Variants in NDST3 observed in about 807,000 individuals in gnomAD.
The protein encoded by NDST3 is bifunctional heparan sulfate N-deacetylase/N-sulfotransferase 3.
NDST3 carries 58 observed loss-of-function variants against 96.1 expected under a neutral mutation model. The observed-to-expected ratio is 0.60, with a 90% CI of 0.49 to 0.75. The LOEUF (loss-of-function observed/expected upper bound fraction) is 0.75, where lower values mean the gene tolerates loss of function less well. Ranked by LOEUF, NDST3 falls within the 30% of genes least tolerant of loss-of-function variation. NDST3 has a pLI of 0.00. For missense variants in NDST3, 788 were observed against 1,034.2 expected (o/e 0.76, Z 3.27); for synonymous variants, 333 against 359.7 (o/e 0.93, Z 0.84).
chr4:118,044,013 A>G (rs1170503595), intron 1 of NDST3, among the ~76,000 whole-genome samples: 1 of 152,204 alleles, frequency 6.6e-6, no homozygotes, highest in Non-Finnish European at 1.5e-5. Flanking sequence ...AATAACTTTG[A>G]TAGATTCCTA....
chr4:118,044,742 G>C (rs1305229620), intron 1 of NDST3, among the ~76,000 whole-genome samples: 1 of 152,134 alleles, frequency 6.6e-6, no homozygotes, highest in Non-Finnish European at 1.5e-5. Context: ...CTAAGAGCAT[G>C]GTGCTGGCAT....
At chr4:118,115,183 A>G (rs1212342760) in intron 4 of NDST3, among the ~76,000 whole-genome samples, 1 of 152,208 alleles carries the variant, frequency 6.6e-6, no homozygotes, top group Non-Finnish European at 1.5e-5. Context: ...ACCTCACAAA[A>G]TACAAGATTT....
chr4:118,115,868 G>A (rs1352605301), intron 4 of NDST3, among the ~76,000 whole-genome samples: 3 of 151,956 alleles, frequency 2.0e-5, no homozygotes, highest in Non-Finnish European at 2.9e-5. Flanking sequence ...AATACTTTAT[G>A]GTGGCATCAG....
chr4:118,046,970 C>A (rs1386197601), intron 1 of NDST3, among the ~76,000 whole-genome samples: 1 of 152,180 alleles, frequency 6.6e-6, no homozygotes, highest in Non-Finnish European at 1.5e-5. Context: ...CAGAGGGACT[C>A]CCCCAAGGTC....
intron 12 of NDST3, among the ~76,000 whole-genome samples, chr4:118,249,869 C>A (rs1388644857): frequency 1.3e-5 from 2 of 152,012 alleles, no homozygotes; most frequent in African/African-American, 4.8e-5. Context: ...GTTGTACGTA[C>A]CACCAGAATC....
chr4:118,057,800 G>C (rs1333694413), intron 2 of NDST3, among the ~76,000 whole-genome samples: 2 of 152,018 alleles, frequency 1.3e-5, no homozygotes, highest in African/African-American at 4.8e-5. Flanking sequence ...TGAAGAAAGA[G>C]AGTGTAGAGC....
At chr4:118,184,027 C>T (rs1736770580) in intron 6 of NDST3, among the ~76,000 whole-genome samples, 1 of 152,214 alleles carries the variant, frequency 6.6e-6, no homozygotes, top group African/African-American at 2.4e-5. Flanking sequence ...ACTCACAGAA[C>T]TCCTGTTCCA....
chr4:118,154,045 T>C (rs1033748903), intron 6 of NDST3, among the ~76,000 whole-genome samples: 1 of 152,278 alleles, frequency 6.6e-6, no homozygotes, highest in Admixed American at 6.5e-5. Flanking sequence ...ATTAGTGTTA[T>C]AACCAGAAAC....
chr4:118,247,813 C>T (rs886667697), intron 12 of NDST3, among the ~76,000 whole-genome samples: 4 of 152,138 alleles, frequency 2.6e-5, no homozygotes, highest in Non-Finnish European at 4.4e-5. Flanking sequence ...AAATCATAAA[C>T]GTGTTTGCCA....
At chr4:118,194,611 C>T in intron 6 of NDST3, 1 of 722,038 alleles carries the variant, frequency 1.4e-6, no homozygotes, top group South Asian at 1.4e-5. Context: ...AGTCCCCAAT[C>T]ATGGGCATCT....
intron 2 of NDST3, among the ~76,000 whole-genome samples, chr4:118,101,078 G>C (rs1729725218): frequency 6.6e-6 from 1 of 151,648 alleles, no homozygotes; most frequent in African/African-American, 2.4e-5. Context: ...TATAATCTAA[G>C]AAGCATAAAT....
intron 1 of NDST3, among the ~76,000 whole-genome samples, chr4:118,044,878 C>T (rs1243214834): frequency 6.6e-6 from 1 of 152,066 alleles, no homozygotes; most frequent in Non-Finnish European, 1.5e-5. Context: ...AGATAAGTAA[C>T]CTGCTCCCAA....
chr4:118,236,315 T>A (rs1740639977), intron 9 of NDST3, among the ~76,000 whole-genome samples: 1 of 152,244 alleles, frequency 6.6e-6, no homozygotes. Context: ...AAATTCTACA[T>A]TTCAGTGCTT....
intron 6 of NDST3, among the ~76,000 whole-genome samples, chr4:118,181,657 T>C (rs2125951642): frequency 6.6e-6 from 1 of 152,274 alleles, no homozygotes; most frequent in East Asian, 1.9e-4. Context: ...TTTTCAAAAA[T>C]TATCAGATTT....
At chr4:118,152,997 T>C (rs946336618) in intron 6 of NDST3, among the ~76,000 whole-genome samples, 1 of 152,158 alleles carries the variant, frequency 6.6e-6, no homozygotes, top group Non-Finnish European at 1.5e-5. Flanking sequence ...TGCCCCCCAC[T>C]TCTAAACTAT....
In NDST3 at chr4:118,257,884, G is replaced by A. The variant is rs1742210558; in HGVS notation, c.*2172G>A. On this transcript the variant is annotated 3_prime_UTR_variant, in exon 14 of 14. Coordinates refer to ENST00000296499, the MANE Select transcript of NDST3 (RefSeq NM_004784.3). ...CAGACATGCTAGGAAAATTACTATA[G>A]TCTTCCATCTCCACCAACTTAAGAA... The A allele has an allele frequency of 6.6e-6, 1 of 152,080 alleles. No homozygotes were observed. The highest frequency in any genetic ancestry group is 1.5e-5 in the Non-Finnish European group (1 of 68,022). The allele number at this position is 152,080 out of a possible 1,614,324, so 9.4% of individuals were successfully genotyped here.
rs545357592 is a variant in NDST3 at position 118,085,238 on chromosome 4, C to T, written c.982-19780C>T. 1.9e-4 allele frequency among the ~76,000 whole-genome samples: 29 copies of T among 152,200 alleles called. 1 individual carries two copies. The South Asian group carries it at 6.0e-3, about 32-fold the overall frequency. On this transcript the variant is annotated intron_variant, in intron 2 of 13. Coordinates refer to ENST00000296499, the MANE Select transcript of NDST3 (RefSeq NM_004784.3). ...CTCCTAAAATCTTTATTGACAGTAG[C>T]AGACCATATCAAAAGTCTTCTGAAA...
intron 8 of NDST3, among the ~76,000 whole-genome samples, chr4:118,227,908 G>A (rs1389696369): frequency 6.6e-6 from 1 of 152,144 alleles, no homozygotes; most frequent in Non-Finnish European, 1.5e-5. Flanking sequence ...CACTGTACCC[G>A]GTCTATAAAC....
At chr4:118,095,277 G>A (rs1729201979) in intron 2 of NDST3, among the ~76,000 whole-genome samples, 1 of 151,774 alleles carries the variant, frequency 6.6e-6, no homozygotes, top group Admixed American at 6.6e-5. Flanking sequence ...AGGCAAGTAT[G>A]TCTAGAGCAT....
Sources: gnomAD v4.1 joint callset for allele counts (sites outside exome capture counted in the v4.1 genomes callset) on GRCh38, gnomAD v4.1.1 for gene constraint, MANE v1.5 for transcripts, NCBI Gene and HGNC (gene_info 2026-07-23, HGNC 2026-07-21) for gene names.